The following HSD17B11 variants were observed in gnomAD, a reference collection of about 807,000 sequenced individuals.
HSD17B11 encodes the protein hydroxysteroid 17-beta dehydrogenase 11.
Under a neutral mutation model 27.8 loss-of-function variants are expected in HSD17B11, and 22 were observed. That is an observed-to-expected ratio of 0.79 (90% CI 0.56 to 1.13). The LOEUF (loss-of-function observed/expected upper bound fraction) is 1.13. Among genes scored for constraint, HSD17B11 ranks in the 50% most tolerant of loss-of-function variants. The pLI is 0.00. For synonymous variants in HSD17B11, 117 were observed against 132.8 expected (o/e 0.88, Z 0.82); for missense variants, 314 against 351.1 (o/e 0.89, Z 0.84).
At chr4:87,368,159 T>C (rs1051210020) in intron 4 of HSD17B11, among the ~76,000 whole-genome samples, 1 of 151,760 alleles carries the variant, frequency 6.6e-6, no homozygotes, top group Non-Finnish European at 1.5e-5. Flanking sequence ...CTACTAAAAA[T>C]ACAAAAAATT....
chr4:87,391,152 A>T lies in HSD17B11; in HGVS notation c.-82T>A. On this transcript the variant is annotated 5_prime_UTR_variant, in exon 1 of 7. Coordinates refer to ENST00000358290, the MANE Select transcript of HSD17B11 (RefSeq NM_016245.5). ...TGCTTTTAGAGGGTAGCTCGATCTA[A>T]CACCAGAAAGAGTAGGGGCGAGAGC... 2 of 1,009,828 alleles carry T rather than the reference A, an allele frequency of 2.0e-6. No homozygotes were observed. The highest frequency in any genetic ancestry group is 2.5e-5 in the Admixed American group (1 of 39,466). The allele number at this position is 1,009,828 out of a possible 1,614,324, so 62.6% of individuals were successfully genotyped here.
chr4:87,376,955 C>CA (rs1178579274), intron 2 of HSD17B11, among the ~76,000 whole-genome samples: 2 of 151,658 alleles, frequency 1.3e-5, no homozygotes, highest in South Asian at 2.1e-4. Context: ...CATGGTGAAA[C>CA]TGCATCTCTA....
chr4:87,373,858 C>T (rs183003463), intron 3 of HSD17B11, among the ~76,000 whole-genome samples: 256 of 152,266 alleles, frequency 1.7e-3, no homozygotes, highest in Middle Eastern at 0.01. Flanking sequence ...CCCAAACTCA[C>T]ATCCAAGAAA....
chr4:87,358,624 CAT>C (rs759932269), intron 4 of HSD17B11, among the ~76,000 whole-genome samples: 4 of 151,988 alleles, frequency 2.6e-5, no homozygotes, highest in Non-Finnish European at 4.4e-5. Flanking sequence ...TCATGTAAAA[CAT>C]GTCATTTTAA....
At chr4:87,340,399 T>C (rs971137862) in intron 6 of HSD17B11, 91 bp downstream of exon 6, 3 of 783,438 alleles carry the variant, frequency 3.8e-6, no homozygotes, top group Non-Finnish European at 6.1e-6. Flanking sequence ...AACTGTACTT[T>C]ATCAACTGCC....
intron 1 of HSD17B11, among the ~76,000 whole-genome samples, chr4:87,389,004 T>G (rs980718028): frequency 6.6e-6 from 1 of 152,206 alleles, no homozygotes; most frequent in Non-Finnish European, 1.5e-5. Context: ...CATATCATAC[T>G]GACAGCTTTT....
intron 2 of HSD17B11, among the ~76,000 whole-genome samples, chr4:87,377,189 C>T (rs973269548): frequency 1.3e-5 from 2 of 151,992 alleles, no homozygotes; most frequent in Non-Finnish European, 2.9e-5. Flanking sequence ...CAGTGGCTCA[C>T]ACCTGTAATC....
At chr4:87,383,060 C>A (rs1720216212) in intron 1 of HSD17B11, among the ~76,000 whole-genome samples, 1 of 152,182 alleles carries the variant, frequency 6.6e-6, no homozygotes, top group African/African-American at 2.4e-5. Context: ...GCACACAATA[C>A]AATTCCAGCA....
At chr4:87,382,409 A>G in intron 1 of HSD17B11, 47 bp from the exon 2 acceptor site, 1 of 1,084,430 alleles carries the variant, frequency 9.2e-7, no homozygotes, top group Non-Finnish European at 1.4e-6. Context: ...ATATGAACAT[A>G]TTATATCGAC....
chr4:87,387,692 T>C (rs1720356115), intron 1 of HSD17B11, among the ~76,000 whole-genome samples: 1 of 152,144 alleles, frequency 6.6e-6, no homozygotes, highest in African/African-American at 2.4e-5. Flanking sequence ...AAAATGACCC[T>C]CATATGTTAT....
intron 3 of HSD17B11, 101 bp downstream of exon 3, chr4:87,374,598 A>T: frequency 8.7e-7 from 1 of 1,144,592 alleles, no homozygotes; most frequent in Non-Finnish European, 1.3e-6. Context: ...CCTGGAGAAA[A>T]CTTTAGCATT....
At chr4:87,354,249 G>A (rs1376630615) in intron 5 of HSD17B11, among the ~76,000 whole-genome samples, 4 of 151,948 alleles carry the variant, frequency 2.6e-5, no homozygotes, top group Non-Finnish European at 4.4e-5. Flanking sequence ...CCGTGGATCA[G>A]CTGTCAAGAG....
intron 4 of HSD17B11, among the ~76,000 whole-genome samples, chr4:87,360,443 A>C (rs1735485603): frequency 6.6e-6 from 1 of 152,240 alleles, no homozygotes; most frequent in Non-Finnish European, 1.5e-5. Flanking sequence ...CAGTTCATTA[A>C]AGCAAATAGT....
chr4:87,378,817 AAAATATATATATAAATATATATATAT>A (rs1719997381), intron 2 of HSD17B11, among the ~76,000 whole-genome samples: 1 of 73,496 alleles, frequency 1.4e-5, no homozygotes, highest in Non-Finnish European at 2.6e-5. Context: ...ATATAAATAT[AAAATATATATATAAATATATATATAT>A]AAATATATAT....
At chr4:87,357,206 A>G (rs1735403867) in intron 5 of HSD17B11, 73 bp downstream of exon 5, 1 of 1,485,702 alleles carries the variant, frequency 6.7e-7, no homozygotes, top group South Asian at 1.2e-5. Context: ...GGATTAAAAC[A>G]TTTAGGAAAA....
At position 87,337,448 on chromosome 4, in the gene HSD17B11, G is replaced by C. The variant is rs1027716634; in HGVS notation, c.813-82C>G. ...ATACCCTCTTTAGAAATACTTTTAA[G>C]TTATCATGTATAGTCATGTTCATGT... On this transcript the variant is annotated intron_variant, in intron 6 of 6. Transcript: ENST00000358290. The C allele has an allele frequency of 8.7e-6, 7 of 807,812 alleles. No homozygotes were observed. In the African/African-American group the frequency reaches 1.2e-4, roughly 14 times the overall value. 50.0% of individuals were successfully genotyped at this position (807,812 alleles called of 1,614,324 possible).
chr4:87,353,704 G>A (rs1335141205), intron 5 of HSD17B11, among the ~76,000 whole-genome samples: 1 of 152,048 alleles, frequency 6.6e-6, no homozygotes, highest in Non-Finnish European at 1.5e-5. Context: ...TGGAGCCCAC[G>A]TTAAGGTCAG....
chr4:87,376,605 T>C (rs1459327108), intron 2 of HSD17B11, among the ~76,000 whole-genome samples: 1 of 151,732 alleles, frequency 6.6e-6, no homozygotes, highest in Non-Finnish European at 1.5e-5. Flanking sequence ...TTTTCTAATA[T>C]ATATGCATGG....
intron 4 of HSD17B11, among the ~76,000 whole-genome samples, chr4:87,371,961 G>A (rs61455435): frequency 0.052 from 7,906 of 152,226 alleles, 705 homozygotes; most frequent in African/African-American, 0.18. Flanking sequence ...GCCACTTCTC[G>A]GCTGGGCGAG....
Sources: allele counts gnomAD v4.1 joint callset (sites outside exome capture counted in the v4.1 genomes callset), GRCh38; gene constraint gnomAD v4.1.1; transcripts MANE v1.5; gene names NCBI Gene and HGNC (gene_info 2026-07-23, HGNC 2026-07-21).